The following ITGA1 variants were observed in gnomAD, a reference collection of about 807,000 sequenced individuals.
The protein encoded by ITGA1 is integrin subunit alpha 1.
ITGA1 carries 85 observed loss-of-function variants against 145.9 expected under a neutral mutation model. The observed-to-expected ratio is 0.58, with a 90% CI of 0.49 to 0.70. The LOEUF is 0.70. Among genes scored for constraint, ITGA1 ranks in the 30% least tolerant of loss-of-function variants. The pLI is 0.00. For missense variants in ITGA1, 1,351 were observed against 1,418.7 expected (o/e 0.95, Z 0.77); for synonymous variants, 520 against 495.3 (o/e 1.05, Z -0.66).
intron 6 of ITGA1, among the ~76,000 whole-genome samples, chr5:52,879,302 C>T (rs913332692): frequency 1.3e-5 from 2 of 151,678 alleles, no homozygotes; most frequent in Non-Finnish European, 2.9e-5. Flanking sequence ...GTTCTTTAGC[C>T]TCTTAATCAA....
At chr5:52,901,138 C>T (rs1750307883) in intron 11 of ITGA1, among the ~76,000 whole-genome samples, 1 of 152,120 alleles carries the variant, frequency 6.6e-6, no homozygotes, top group Non-Finnish European at 1.5e-5. Flanking sequence ...AGAACCTCTC[C>T]TGGATGTGGC....
In ITGA1 at chr5:52,953,331, A is replaced by C. The variant is rs1308134912; in HGVS notation, c.*880A>C. On this transcript the variant is annotated 3_prime_UTR_variant, in exon 29 of 29. Coordinates refer to ENST00000282588, the MANE Select transcript of ITGA1 (RefSeq NM_181501.2). The stretch of plus-strand genomic sequence containing the variant: ...GACAGCAGAGAAAGATGCCACTGAA[A>C]TGCTGAAATTATCTTTGCTGAGCAG... 6.6e-6 allele frequency: 1 copy of C among 152,196 alleles called. No individual in the cohort carries two copies. Among genetic ancestry groups the C allele is most frequent in the Non-Finnish European group, 1.5e-5 (1 of 68,034 alleles). The allele number at this position is 152,196 out of a possible 1,614,324, so 9.4% of individuals were successfully genotyped here. A position where few individuals can be genotyped will look rare whatever the true frequency, so the allele number is the denominator to read the frequency against.
At chr5:52,789,040 A>G (rs1390852495) in intron 1 of ITGA1, among the ~76,000 whole-genome samples, 1 of 152,244 alleles carries the variant, frequency 6.6e-6, no homozygotes, top group Non-Finnish European at 1.5e-5. Flanking sequence ...GTCTACTTTT[A>G]AGATGCAAAA....
intron 1 of ITGA1, chr5:52,800,814 G>T (rs1748461412): frequency 6.2e-7 from 1 of 1,611,228 alleles, no homozygotes; most frequent in Non-Finnish European, 8.5e-7. Context: ...TGGCGGCTGT[G>T]GTCATGCAGG....
At chr5:52,919,964 A>T (rs1750707086) in intron 16 of ITGA1, among the ~76,000 whole-genome samples, 1 of 152,190 alleles carries the variant, frequency 6.6e-6, no homozygotes, top group African/African-American at 2.4e-5. Context: ...CATAATCAAT[A>T]TTCTAAGCAG....
chr5:52,956,131 C>A lies in ITGA1; in HGVS notation c.*3680C>A, dbSNP rs1336116301. On this transcript the variant is annotated 3_prime_UTR_variant, in exon 29 of 29. Transcript: ENST00000282588. ...TATAGTAGAGGCTGGGGAATCCCTG[C>A]CCATGTTCTCTCCAAGGCCACAGCT... The A allele has an allele frequency of 6.6e-6, 1 of 152,042 alleles. No individual in the cohort carries two copies. Among genetic ancestry groups the A allele is most frequent in the African/African-American group, 2.4e-5 (1 of 41,398 alleles). The allele number at this position is 152,042 out of a possible 1,614,324, so 9.4% of individuals were successfully genotyped here.
chr5:52,838,097 C>T (rs1379644811), intron 1 of ITGA1, among the ~76,000 whole-genome samples: 1 of 152,098 alleles, frequency 6.6e-6, no homozygotes, highest in Non-Finnish European at 1.5e-5. Flanking sequence ...ATAAAATGGA[C>T]AAGTTTTTAG....
intron 2 of ITGA1, among the ~76,000 whole-genome samples, chr5:52,850,743 A>G (rs1173518027): frequency 6.6e-6 from 1 of 152,188 alleles, no homozygotes; most frequent in African/African-American, 2.4e-5. Flanking sequence ...TCTCCTTACA[A>G]ATATCTCAGA....
chr5:52,919,079 C>A (rs931519136), intron 16 of ITGA1, among the ~76,000 whole-genome samples, 181 bp downstream of exon 16: 5 of 152,130 alleles, frequency 3.3e-5, no homozygotes, highest in Non-Finnish European at 4.4e-5. Context: ...GTTATGGAAC[C>A]CAGTCAATTC....
intron 17 of ITGA1, 22 bp from the exon 18 acceptor site, chr5:52,922,755 T>A: frequency 7.1e-7 from 1 of 1,412,748 alleles, no homozygotes; most frequent in Non-Finnish European, 1.0e-6. Context: ...ACCAGTGATA[T>A]ATTTTATGTT....
At chr5:52,844,369 C>T (rs996143813) in intron 1 of ITGA1, among the ~76,000 whole-genome samples, 3 of 152,150 alleles carry the variant, frequency 2.0e-5, no homozygotes, top group African/African-American at 4.8e-5. Context: ...TGCAGTTATG[C>T]AGACTAATAT....
intron 1 of ITGA1, among the ~76,000 whole-genome samples, chr5:52,823,153 C>T (rs1748906731): frequency 1.3e-5 from 2 of 152,116 alleles, no homozygotes; most frequent in African/African-American, 4.8e-5. Context: ...GAGAGATACT[C>T]ATGGAATGAC....
intron 24 of ITGA1, 68 bp from the exon 25 acceptor site, chr5:52,939,522 C>A: frequency 9.8e-7 from 1 of 1,018,672 alleles, no homozygotes. Context: ...CTTTACACTA[C>A]TGCAGCAAGT....
At chr5:52,906,736 T>C (rs1750414487) in intron 12 of ITGA1, among the ~76,000 whole-genome samples, 1 of 152,158 alleles carries the variant, frequency 6.6e-6, no homozygotes, top group Non-Finnish European at 1.5e-5. Context: ...GGAGAGGGGT[T>C]CTTCTTAGCC....
chr5:52,887,907 G>T lies in ITGA1; in HGVS notation c.866G>T (p.Arg289Leu), dbSNP rs772957429. Reference sequence around the variant, plus strand: ...GATGGAGAGTCTCATGACAATCATCGACTGAAGAAGGTCATCCAAGACTGT... The same window carrying T: ...GATGGAGAGTCTCATGACAATCATCTACTGAAGAAGGTCATCCAAGACTGT... ...VTDGESHDNH[R>L]LKKVIQDCED... Residue 289 changes from arginine to leucine, a missense_variant, in exon 8 of 29, where the codon CGA becomes CTA. Physicochemically the swap from Arg to Leu is moderately radical, Grantham distance 102. Coordinates refer to ENST00000282588, the MANE Select transcript of ITGA1 (RefSeq NM_181501.2). 6 of 1,613,888 alleles carry T rather than the reference G, an allele frequency of 3.7e-6. No individual in the cohort carries two copies. Among genetic ancestry groups the T allele is most frequent in the Non-Finnish European group, 5.1e-6 (6 of 1,179,880 alleles).
At chr5:52,950,226 C>G (rs1049813381) in intron 28 of ITGA1, among the ~76,000 whole-genome samples, 1 of 152,126 alleles carries the variant, frequency 6.6e-6, no homozygotes, top group African/African-American at 2.4e-5. Flanking sequence ...ATGAGAGACT[C>G]AGAACATTCC....
At chr5:52,852,676 A>T (rs1749447681) in intron 2 of ITGA1, among the ~76,000 whole-genome samples, 1 of 152,204 alleles carries the variant, frequency 6.6e-6, no homozygotes, top group South Asian at 2.1e-4. Context: ...TCAGACTGGA[A>T]TGCAGGTAAG....
At chr5:52,914,186 G>T (rs1464579953) in intron 14 of ITGA1, among the ~76,000 whole-genome samples, 3 of 152,160 alleles carry the variant, frequency 2.0e-5, no homozygotes, top group Non-Finnish European at 2.9e-5. Flanking sequence ...AGTTGGATTT[G>T]TTTAATTACT....
intron 8 of ITGA1, among the ~76,000 whole-genome samples, chr5:52,890,742 C>A (rs964402456): frequency 1.3e-5 from 2 of 152,180 alleles, no homozygotes; most frequent in Non-Finnish European, 2.9e-5. Context: ...TATTCCAAAT[C>A]TTCTCCTGTA....
Sources: allele counts gnomAD v4.1 joint callset (sites outside exome capture counted in the v4.1 genomes callset), GRCh38; gene constraint gnomAD v4.1.1; transcripts MANE v1.5; gene names NCBI Gene and HGNC (gene_info 2026-07-23, HGNC 2026-07-21).